Variants in POR observed in about 807,000 individuals in gnomAD.
POR encodes the protein NADPH--cytochrome P450 reductase.
POR carries 56 observed loss-of-function variants against 84.0 expected under a neutral mutation model. The ratio of observed to expected loss-of-function variants is 0.67; its 90% CI spans 0.54 to 0.83. POR has a LOEUF of 0.83. Ranked by LOEUF, POR falls within the 40% of genes least tolerant of loss-of-function variation. POR has a pLI of 0.00. For synonymous variants in POR, 414 were observed against 400.5 expected, an observed-to-expected ratio of 1.03 and a Z score of -0.40; for missense variants, 938 against 944.3, an observed-to-expected ratio of 0.99 and a Z score of 0.09.
intron 10 of POR, among the ~76,000 whole-genome samples, chr7:75,984,290 C>T (rs779904109): frequency 5.9e-5 from 9 of 152,162 alleles, no homozygotes; most frequent in African/African-American, 1.4e-4. Flanking sequence ...GTAGCCATTA[C>T]GCGGGGCTGC....
At chr7:75,943,203 G>A (rs374824455) in intron 1 of POR, among the ~76,000 whole-genome samples, 78 of 152,052 alleles carry the variant, frequency 5.1e-4, no homozygotes, top group African/African-American at 1.7e-3. Context: ...CGCCTGCCTC[G>A]GCTTCCCAAA....
At chr7:75,927,561 G>A (rs1807192838) in intron 1 of POR, among the ~76,000 whole-genome samples, 1 of 152,066 alleles carries the variant, frequency 6.6e-6, no homozygotes, top group South Asian at 2.1e-4. Context: ...GTATGAAGAT[G>A]CTCTGGAATC....
chr7:75,964,139 A>G (rs559574379), intron 2 of POR, among the ~76,000 whole-genome samples: 31 of 151,642 alleles, frequency 2.0e-4, no homozygotes, highest in Non-Finnish European at 3.8e-4. Context: ...AGCTGGGACT[A>G]CAGGTGCCTG....
At chr7:75,936,420 G>A (rs1554550835) in intron 1 of POR, among the ~76,000 whole-genome samples, 1 of 151,938 alleles carries the variant, frequency 6.6e-6, no homozygotes, top group East Asian at 1.9e-4. Context: ...CTTGTGACAG[G>A]TGTTGGGGAC....
intron 2 of POR, among the ~76,000 whole-genome samples, chr7:75,954,893 A>T (rs1286600592): frequency 6.6e-6 from 1 of 151,990 alleles, no homozygotes; most frequent in Non-Finnish European, 1.5e-5. Context: ...TTTTTAGTAG[A>T]GACAGGGTCT....
chr7:75,928,293 G>C (rs1236671644), intron 1 of POR, among the ~76,000 whole-genome samples: 1 of 152,198 alleles, frequency 6.6e-6, no homozygotes, highest in Middle Eastern at 3.4e-3. Context: ...TAAAAATCAG[G>C]TTTATAGGTC....
At chr7:75,939,303 C>G (rs1554551215) in intron 1 of POR, among the ~76,000 whole-genome samples, 1 of 152,256 alleles carries the variant, frequency 6.6e-6, no homozygotes. Context: ...GCCTGCCTCG[C>G]ACTCCCTGGC....
chr7:75,960,559 C>A (rs770591823), intron 2 of POR, among the ~76,000 whole-genome samples: 1 of 152,074 alleles, frequency 6.6e-6, no homozygotes, highest in Non-Finnish European at 1.5e-5. Context: ...AGTCTCCCTG[C>A]CTCAGCCTTG....
chr7:75,977,505 G>A (rs1228334789), intron 3 of POR, among the ~76,000 whole-genome samples: 1 of 152,218 alleles, frequency 6.6e-6, no homozygotes, highest in Non-Finnish European at 1.5e-5. Flanking sequence ...GCTGGGTGCG[G>A]TGGCTCACGC....
chr7:75,979,775 C>T (rs952653683), intron 4 of POR, 196 bp downstream of exon 4: 39 of 696,858 alleles, frequency 5.6e-5, no homozygotes, highest in Admixed American at 1.5e-4. Flanking sequence ...CCTGCAGTTG[C>T]AGCCACGTGC....
At position 75,985,046 on chromosome 7, in the gene POR, C is replaced by T. The variant is rs1208139617; in HGVS notation, c.1249-12C>T. The T allele has an allele frequency of 2.5e-6, 4 of 1,590,414 alleles. No homozygotes were observed. The highest frequency in any genetic ancestry group is 3.4e-6 in the Non-Finnish European group (4 of 1,172,112). ...GCCCCAATCAGCCCCATCTCACCCC[C>T]GTGTCTCTTAGGAGCTGTACCTGAG... On this transcript the variant is annotated splice_polypyrimidine_tract_variant and intron_variant, in intron 11 of 15. Coordinates refer to ENST00000461988, the MANE Select transcript of POR (RefSeq NM_000941.3).
At chr7:75,928,475 A>C (rs562493646) in intron 1 of POR, among the ~76,000 whole-genome samples, 2 of 152,344 alleles carry the variant, frequency 1.3e-5, no homozygotes, top group South Asian at 4.1e-4. Flanking sequence ...AGAGGAAGTC[A>C]CGTATGTCAC....
intron 1 of POR, among the ~76,000 whole-genome samples, chr7:75,933,186 G>A (rs1414901860): frequency 1.3e-5 from 2 of 151,920 alleles, no homozygotes; most frequent in Non-Finnish European, 2.9e-5. Context: ...AATTGACAAA[G>A]TTGTATATAT....
intron 2 of POR, among the ~76,000 whole-genome samples, chr7:75,963,702 A>G (rs567582077): frequency 5.9e-5 from 9 of 152,284 alleles, no homozygotes; most frequent in African/African-American, 2.2e-4. Context: ...GGAGCCTAGG[A>G]GGCCAAGTGT....
At chr7:75,982,638 A>C (rs572790313) in intron 8 of POR, among the ~76,000 whole-genome samples, 1 of 152,148 alleles carries the variant, frequency 6.6e-6, no homozygotes, top group South Asian at 2.1e-4. Context: ...ATTTTCTTAG[A>C]ATCTATCTCC....
At chr7:75,935,158 C>T (rs1433850822) in intron 1 of POR, among the ~76,000 whole-genome samples, 7 of 152,268 alleles carry the variant, frequency 4.6e-5, no homozygotes, top group South Asian at 2.1e-4. Context: ...CTTGGGAGCC[C>T]ACCCTTCGCA....
rs72557914 is a variant in POR at position 75,981,162 on chromosome 7, G to A, written c.631G>A (p.Asp211Asn). 132 of 1,544,604 alleles carry A rather than the reference G, an allele frequency of 8.5e-5. No homozygotes were observed. Among genetic ancestry groups the A allele is most frequent in the South Asian group, 2.5e-4 (21 of 83,336 alleles). ...CATCTTTGAGCTGGGGTTGGGCGAC[G>A]ACGATGGGAAGTGAGTGCCCACCCT... The change falls in exon 6 of 16, where the codon GAC becomes AAC. Residue 211 changes from aspartate (D) to asparagine (N), a missense_variant. Transcript: ENST00000461988.
rs781838869 is a variant in POR at position 75,986,018 on chromosome 7, G to A, written c.1765G>A (p.Gly589Ser). 1.2e-5 allele frequency: 18 copies of A among 1,564,534 alleles called. No homozygotes were observed. The highest frequency in any genetic ancestry group is 1.1e-4 in the African/African-American group (8 of 73,780). ...GGAGCTGGCGCAGTTCCACAGGGAC[G>A]GTGCGCTCACCCAGCTCAACGTGGC... Residue 589 changes from glycine to serine, a missense_variant, in exon 14 of 16, where the codon GGT becomes AGT. Transcript: ENST00000461988.
chr7:75,918,686 C>A (rs1243064465), intron 1 of POR: 1 of 152,168 alleles, frequency 6.6e-6, no homozygotes, highest in African/African-American at 2.4e-5. Flanking sequence ...GCATACAATT[C>A]AACAAGAATG....
Sources: gnomAD v4.1 joint callset for allele counts (sites outside exome capture counted in the v4.1 genomes callset) on GRCh38, gnomAD v4.1.1 for gene constraint, MANE v1.5 for transcripts, NCBI Gene and HGNC (gene_info 2026-07-23, HGNC 2026-07-21) for gene names.